Variants in WWOX observed in about 807,000 individuals in gnomAD.
WWOX encodes WW domain containing oxidoreductase.
In WWOX, 69 loss-of-function variants were observed where a neutral mutation model predicts 46.2. The ratio of observed to expected loss-of-function variants is 1.49; its 90% CI spans 1.23 to 1.82. WWOX has a LOEUF of 1.82. Ranked by LOEUF, WWOX falls within the 40% of genes most tolerant of loss-of-function variation. The pLI, the probability that WWOX is intolerant of heterozygous loss-of-function variation, is 0.00. For missense variants in WWOX, 919 were observed against 542.6 expected, an observed-to-expected ratio of 1.69 and a Z score of -6.89; for synonymous variants, 359 against 202.6, an observed-to-expected ratio of 1.77 and a Z score of -6.56.
intron 5 of WWOX, among the ~76,000 whole-genome samples, chr16:78,215,868 G>T (rs1159331525): frequency 6.6e-6 from 1 of 151,746 alleles, no homozygotes; most frequent in East Asian, 1.9e-4. Flanking sequence ...GGAGGTTTCA[G>T]TGAGCCGAGA....
At chr16:78,559,033 A>T (rs1417525999) in intron 8 of WWOX, among the ~76,000 whole-genome samples, 1 of 152,168 alleles carries the variant, frequency 6.6e-6, no homozygotes, top group African/African-American at 2.4e-5. Context: ...GCATCCACAC[A>T]AGATCTGGCC....
intron 8 of WWOX, among the ~76,000 whole-genome samples, chr16:78,492,172 A>C (rs1282455025): frequency 6.6e-6 from 1 of 152,232 alleles, no homozygotes; most frequent in African/African-American, 2.4e-5. Context: ...ACAGGGAAGC[A>C]GATAGTTCCA....
intron 5 of WWOX, among the ~76,000 whole-genome samples, chr16:78,366,903 T>TG (rs2081546896): frequency 1.3e-5 from 2 of 151,100 alleles, no homozygotes; most frequent in South Asian, 2.1e-4. Flanking sequence ...ATCCAAAGCC[T>TG]GGGGGGTGGA....
At chr16:79,152,513 A>G (rs1318718952) in intron 8 of WWOX, among the ~76,000 whole-genome samples, 1 of 152,108 alleles carries the variant, frequency 6.6e-6, no homozygotes, top group Non-Finnish European at 1.5e-5. Context: ...CTACTAAAAA[A>G]TACAAAAATT....
chr16:78,513,714 A>G (rs1339498817), intron 8 of WWOX, among the ~76,000 whole-genome samples: 1 of 152,246 alleles, frequency 6.6e-6, no homozygotes, highest in African/African-American at 2.4e-5. Context: ...TACAATACTT[A>G]TCAGAGCCTT....
At chr16:78,914,262 T>A (rs376098092) in intron 8 of WWOX, among the ~76,000 whole-genome samples, 12 of 152,198 alleles carry the variant, frequency 7.9e-5, no homozygotes, top group African/African-American at 2.9e-4. Context: ...TGCTAATTTA[T>A]TAGTATTGCC....
At chr16:78,968,096 T>C (rs531730210) in intron 8 of WWOX, among the ~76,000 whole-genome samples, 27 of 131,660 alleles carry the variant, frequency 2.1e-4, no homozygotes, top group African/African-American at 7.6e-4. Flanking sequence ...ATGGTCCGCA[T>C]GGCACAGCGC....
chr16:78,580,566 G>A (rs2045025267), intron 8 of WWOX, among the ~76,000 whole-genome samples: 1 of 152,194 alleles, frequency 6.6e-6, no homozygotes, highest in Non-Finnish European at 1.5e-5. Flanking sequence ...AAAAGACACA[G>A]AAAGGATTTC....
chr16:78,153,131 T>A (rs541887652), intron 4 of WWOX, among the ~76,000 whole-genome samples: 14 of 152,306 alleles, frequency 9.2e-5, no homozygotes, highest in Admixed American at 9.1e-4. Flanking sequence ...CTCAGAACTA[T>A]GTAATTGAAA....
At chr16:78,688,617 G>A (rs758819545) in intron 8 of WWOX, among the ~76,000 whole-genome samples, 4 of 152,030 alleles carry the variant, frequency 2.6e-5, no homozygotes, top group Admixed American at 6.6e-5. Context: ...CTTCTCTACC[G>A]GGGCAAATTT....
intron 8 of WWOX, among the ~76,000 whole-genome samples, chr16:78,858,807 T>C (rs912563107): frequency 1.3e-5 from 2 of 151,432 alleles, no homozygotes; most frequent in East Asian, 2.0e-4. Flanking sequence ...GCCTCCTCAG[T>C]TGCTGGGACC....
At chr16:78,994,890 A>T in intron 8 of WWOX, among the ~76,000 whole-genome samples, 1 of 151,612 alleles carries the variant, frequency 6.6e-6, no homozygotes, top group Non-Finnish European at 1.5e-5. Flanking sequence ...AGGTGGAAAG[A>T]AATACTCCCT....
chr16:78,158,684 G>A (rs1352779047), intron 4 of WWOX, among the ~76,000 whole-genome samples: 1 of 151,990 alleles, frequency 6.6e-6, no homozygotes, highest in Admixed American at 6.6e-5. Context: ...GGGTTCATAG[G>A]ATCTGTAGTC....
intron 8 of WWOX, among the ~76,000 whole-genome samples, chr16:78,822,789 A>C (rs868703788): frequency 2.5e-4 from 38 of 152,310 alleles, no homozygotes; most frequent in African/African-American, 9.1e-4. Context: ...TTCTTAAGGA[A>C]GTCTACTTTC....
At chr16:79,073,988 C>G (rs527379592) in intron 8 of WWOX, among the ~76,000 whole-genome samples, 1 of 136,560 alleles carries the variant, frequency 7.3e-6, no homozygotes, top group Non-Finnish European at 1.6e-5. Context: ...AAGTTATTTG[C>G]CAAAGGTCTG....
chr16:79,030,046 C>T (rs964043514), intron 8 of WWOX, among the ~76,000 whole-genome samples: 3 of 152,094 alleles, frequency 2.0e-5, no homozygotes, highest in African/African-American at 7.2e-5. Flanking sequence ...AGAATGGTTT[C>T]TGACATTGTA....
At chr16:78,637,046 T>C (rs965269870) in intron 8 of WWOX, among the ~76,000 whole-genome samples, 1 of 152,206 alleles carries the variant, frequency 6.6e-6, no homozygotes, top group Non-Finnish European at 1.5e-5. Flanking sequence ...CCTGCTCATC[T>C]GCAGCACACC....
At chr16:78,204,092 G>A (rs563899186) in intron 5 of WWOX, among the ~76,000 whole-genome samples, 31 of 152,288 alleles carry the variant, frequency 2.0e-4, no homozygotes, top group East Asian at 1.7e-3. Flanking sequence ...CAGTCTGCCC[G>A]GAGACGGGAC....
rs1012571288 is a variant in WWOX at position 78,717,194 on chromosome 16, C to T, written c.1056+284442C>T. 3.9e-5 allele frequency among the ~76,000 whole-genome samples: 6 copies of T among 152,118 alleles called. No homozygotes were observed. In the East Asian group the frequency reaches 9.7e-4, roughly 25 times the overall value. ...GCTTAGTGGTTGACCTAGACTATAC[C>T]AAGAGTAAGTGTGTTTTTTAAATTT... On this transcript the variant is annotated intron_variant, in intron 8 of 8. Coordinates refer to ENST00000566780, the MANE Select transcript of WWOX (RefSeq NM_016373.4).
Sources: gnomAD v4.1 joint callset for allele counts (sites outside exome capture counted in the v4.1 genomes callset) on GRCh38, gnomAD v4.1.1 for gene constraint, MANE v1.5 for transcripts, NCBI Gene and HGNC (gene_info 2026-07-23, HGNC 2026-07-21) for gene names.